The following DNAH9 variants were observed in gnomAD, a reference collection of about 807,000 sequenced individuals.
The protein encoded by DNAH9 is dynein axonemal heavy chain 9.
Under a neutral mutation model 471.6 loss-of-function variants are expected in DNAH9, and 345 were observed. That is an observed-to-expected ratio of 0.73 (90% CI 0.67 to 0.80). DNAH9 has a LOEUF of 0.80. Ranked by LOEUF, DNAH9 falls within the 30% of genes least tolerant of loss-of-function variation. The pLI, the probability that DNAH9 is intolerant of heterozygous loss-of-function variation, is 0.00. For missense variants in DNAH9, 5,407 were observed against 5,609.2 expected (o/e 0.96, Z 1.15); for synonymous variants, 2,093 against 2,123.6 (o/e 0.99, Z 0.40).
chr17:11,774,687 C>T (rs1968350194), intron 38 of DNAH9, among the ~76,000 whole-genome samples: 1 of 152,146 alleles, frequency 6.6e-6, no homozygotes, highest in African/African-American at 2.4e-5. Context: ...AGGGTGGGGA[C>T]ACAGCCAACC....
intron 43 of DNAH9, among the ~76,000 whole-genome samples, chr17:11,800,158 G>A (rs1189447680): frequency 2.0e-5 from 3 of 152,064 alleles, no homozygotes; most frequent in African/African-American, 7.2e-5. Flanking sequence ...GATAATGAAA[G>A]TGACAAGAAG....
At chr17:11,717,365 T>G (rs2074981594) in intron 26 of DNAH9, among the ~76,000 whole-genome samples, 1 of 141,050 alleles carries the variant, frequency 7.1e-6, no homozygotes, top group African/African-American at 2.5e-5. Flanking sequence ...AGACCCCGTC[T>G]CTATTTTTTA....
intron 42 of DNAH9, among the ~76,000 whole-genome samples, chr17:11,794,518 C>G (rs1387742844): frequency 6.6e-6 from 1 of 152,182 alleles, no homozygotes; most frequent in East Asian, 1.9e-4. Context: ...CCTGAGTCTT[C>G]TCTTCTCCAG....
intron 22 of DNAH9, among the ~76,000 whole-genome samples, 192 bp downstream of exon 22, chr17:11,694,639 TTG>T (rs1285360933): frequency 0.091 from 457 of 5,024 alleles, 123 homozygotes; most frequent in South Asian, 0.41. Flanking sequence ...TCTTGCTTTC[TTG>T]CTTTCTCGCT....
At chr17:11,928,918 C>A (rs1974413782) in intron 62 of DNAH9, among the ~76,000 whole-genome samples, 1 of 151,972 alleles carries the variant, frequency 6.6e-6, no homozygotes, top group Admixed American at 6.6e-5. Flanking sequence ...CCAGGTACTG[C>A]CAACAATGTT....
chr17:11,628,665 T>G (rs1051761167), intron 6 of DNAH9, among the ~76,000 whole-genome samples: 3 of 152,228 alleles, frequency 2.0e-5, no homozygotes, highest in African/African-American at 7.2e-5. Flanking sequence ...AGGACGATTT[T>G]GCAGCTCTGT....
At chr17:11,809,893 G>A (rs1394693099) in intron 44 of DNAH9, among the ~76,000 whole-genome samples, 1 of 152,074 alleles carries the variant, frequency 6.6e-6, no homozygotes, top group African/African-American at 2.4e-5. Context: ...CCACCTTTGG[G>A]CTTTGGAAAG....
chr17:11,654,355 CA>C lies in DNAH9; in HGVS notation c.2595+1376del, dbSNP rs527835262. ...TGGGCCACAGAGCGAGACTCCGTCT[CA>C]AAAAAAAAAAAAAAAAAAAAAAGTT... is the stretch of plus-strand genomic sequence containing the variant. On this transcript the variant is annotated intron_variant, in intron 14 of 68. Coordinates refer to ENST00000262442, the MANE Select transcript of DNAH9 (RefSeq NM_001372.4). 1.8e-3 allele frequency among the ~76,000 whole-genome samples: 20 copies of C among 11,264 alleles called. 1 individual carries two copies. Among genetic ancestry groups the C allele is most frequent in the East Asian group, 5.4e-3 (2 of 372 alleles). The allele number at this position is 11,264 out of a possible 152,430, so 7.4% of individuals were successfully genotyped here. A position where few individuals can be genotyped will look rare whatever the true frequency, so the allele number is the denominator to read the frequency against.
At chr17:11,659,942 GTA>G (rs1282125672) in intron 14 of DNAH9, among the ~76,000 whole-genome samples, 1 of 152,216 alleles carries the variant, frequency 6.6e-6, no homozygotes, top group South Asian at 2.1e-4. Context: ...TATGGGATCT[GTA>G]GTGCTGCATC....
At chr17:11,799,060 G>A (rs572450392) in intron 43 of DNAH9, among the ~76,000 whole-genome samples, 4 of 152,118 alleles carry the variant, frequency 2.6e-5, no homozygotes, top group African/African-American at 7.2e-5. Flanking sequence ...CCCATGTCTC[G>A]ACTCACTCTT....
At chr17:11,779,145 C>T (rs542709906) in intron 38 of DNAH9, among the ~76,000 whole-genome samples, 2 of 152,252 alleles carry the variant, frequency 1.3e-5, no homozygotes, top group East Asian at 3.9e-4. Context: ...CTGTTCCATA[C>T]GGGTCTTGAG....
intron 43 of DNAH9, among the ~76,000 whole-genome samples, chr17:11,805,430 A>T (rs562520756): frequency 6.7e-6 from 1 of 150,192 alleles, no homozygotes; most frequent in East Asian, 2.0e-4. Context: ...TAATTATAAC[A>T]TCATTAACAC....
intron 6 of DNAH9, among the ~76,000 whole-genome samples, chr17:11,622,100 A>AT (rs397766388): frequency 6.6e-6 from 1 of 151,064 alleles, no homozygotes; most frequent in African/African-American, 2.4e-5. Flanking sequence ...AAAAAAAAAA[A>AT]GTGAGATTGA....
chr17:11,874,301 A>C (rs985309907), intron 52 of DNAH9, among the ~76,000 whole-genome samples: 13 of 152,024 alleles, frequency 8.6e-5, no homozygotes, highest in African/African-American at 3.1e-4. Flanking sequence ...AAGAAAAGGC[A>C]GTGTCTAGGG....
At chr17:11,665,508 G>T (rs891738559) in intron 15 of DNAH9, among the ~76,000 whole-genome samples, 1 of 152,214 alleles carries the variant, frequency 6.6e-6, no homozygotes, top group Non-Finnish European at 1.5e-5. Flanking sequence ...GAAATGTGTA[G>T]AACACAATGG....
At chr17:11,811,827 T>C (rs560239632) in intron 45 of DNAH9, among the ~76,000 whole-genome samples, 15 of 150,438 alleles carry the variant, frequency 1.0e-4, no homozygotes, top group East Asian at 5.9e-4. Context: ...TCTCCAATGC[T>C]CTTCTGATGC....
chr17:11,781,926 C>A (rs191916777), intron 39 of DNAH9, among the ~76,000 whole-genome samples: 21 of 150,890 alleles, frequency 1.4e-4, no homozygotes, highest in Non-Finnish European at 2.8e-4. Flanking sequence ...CAGAGCAGCT[C>A]AGAGGGCTGG....
chr17:11,668,615 A>G (rs2073916983), intron 15 of DNAH9, among the ~76,000 whole-genome samples: 1 of 148,404 alleles, frequency 6.7e-6, no homozygotes, highest in Admixed American at 6.9e-5. Flanking sequence ...CAGTGAGTCA[A>G]GATTGTGCCA....
intron 61 of DNAH9, among the ~76,000 whole-genome samples, chr17:11,921,177 A>G (rs1367296972): frequency 2.6e-5 from 4 of 151,680 alleles, no homozygotes; most frequent in Non-Finnish European, 4.4e-5. Context: ...TGGGAGGTGG[A>G]GGTTGCAGTA....
Sources: gnomAD v4.1 joint callset for allele counts (sites outside exome capture counted in the v4.1 genomes callset) on GRCh38, gnomAD v4.1.1 for gene constraint, MANE v1.5 for transcripts, NCBI Gene and HGNC (gene_info 2026-07-23, HGNC 2026-07-21) for gene names.